The following RPTOR variants were observed in gnomAD, a reference collection of about 807,000 sequenced individuals.
RPTOR encodes regulatory associated protein of MTOR complex 1.
In RPTOR, 21 loss-of-function variants were observed where a neutral mutation model predicts 169.9. That is an observed-to-expected ratio of 0.12 (90% CI 0.09 to 0.18). The LOEUF is 0.18. Among genes scored for constraint, RPTOR ranks in the 10% least tolerant of loss-of-function variants. The pLI, the probability that RPTOR is intolerant of heterozygous loss-of-function variation, is 1.00. For synonymous variants in RPTOR, 732 were observed against 753.2 expected, an observed-to-expected ratio of 0.97 and a Z score of 0.46; for missense variants, 1,133 against 1,855.9, an observed-to-expected ratio of 0.61 and a Z score of 7.16.
rs577988056 is a variant in RPTOR, at chr17:80,885,832, C to T, written c.1983+684C>T. On this transcript the variant is annotated intron_variant, in intron 17 of 33. Transcript: ENST00000306801. The stretch of plus-strand genomic sequence containing the variant: ...CTGAGATTACAGGCGTGAGCCACCG[C>T]GCCCGGCCAAAACAGTTTTATAAAC... 2.6e-5 allele frequency among the ~76,000 whole-genome samples: 4 copies of T among 152,364 alleles called. No individual in the cohort carries two copies. In the South Asian group the frequency reaches 6.2e-4, roughly 24 times the overall value.
intron 5 of RPTOR, among the ~76,000 whole-genome samples, chr17:80,733,967 G>C (rs528754711): frequency 6.6e-6 from 1 of 151,980 alleles, no homozygotes; most frequent in Admixed American, 6.5e-5. Flanking sequence ...TTCTTTTACA[G>C]CTTCTGTTAT....
chr17:80,872,532 T>C (rs1472167685), intron 13 of RPTOR, among the ~76,000 whole-genome samples: 1 of 152,130 alleles, frequency 6.6e-6, no homozygotes, highest in Admixed American at 6.5e-5. Flanking sequence ...ACATGCACAT[T>C]GGTGACAGGC....
intron 24 of RPTOR, among the ~76,000 whole-genome samples, chr17:80,925,876 G>T (rs1017536859): frequency 6.6e-6 from 1 of 152,230 alleles, no homozygotes. Flanking sequence ...TACACCACAA[G>T]ACCATCTCTG....
intron 1 of RPTOR, among the ~76,000 whole-genome samples, chr17:80,611,965 G>T (rs776794013): frequency 2.6e-5 from 4 of 152,000 alleles, no homozygotes; most frequent in Non-Finnish European, 4.4e-5. Context: ...TGCATTTCCT[G>T]CAAACTGGAA....
chr17:80,898,518 T>A (rs1222140338), intron 20 of RPTOR, among the ~76,000 whole-genome samples: 5 of 152,220 alleles, frequency 3.3e-5, no homozygotes, highest in Non-Finnish European at 7.3e-5. Context: ...CTGTTTTCTC[T>A]AGGTTCACTC....
chr17:80,963,310 C>G (rs968015590), intron 33 of RPTOR, among the ~76,000 whole-genome samples: 2 of 152,082 alleles, frequency 1.3e-5, no homozygotes, highest in African/African-American at 4.8e-5. Context: ...GGCAAAGCTC[C>G]TGCCCTCAGA....
chr17:80,928,433 A>T (rs1387135009), intron 24 of RPTOR, among the ~76,000 whole-genome samples: 1 of 152,244 alleles, frequency 6.6e-6, no homozygotes, highest in Non-Finnish European at 1.5e-5. Flanking sequence ...GAACAGAAGA[A>T]CTGCAAACCC....
chr17:80,626,776 A>AATT (rs143412094), intron 2 of RPTOR, among the ~76,000 whole-genome samples: 27,024 of 140,740 alleles, frequency 0.19, 2,849 homozygotes, highest in African/African-American at 0.28. Flanking sequence ...CCATTCTAGG[A>AATT]ATTATTATTA....
intron 1 of RPTOR, among the ~76,000 whole-genome samples, chr17:80,608,977 A>AC (rs750801861): frequency 1.3e-4 from 20 of 152,144 alleles, no homozygotes; most frequent in Middle Eastern, 3.2e-3. Context: ...CCTTTTACTG[A>AC]CCTAGGAGGT....
chr17:80,603,597 G>A (rs2065207301), intron 1 of RPTOR, among the ~76,000 whole-genome samples: 1 of 152,164 alleles, frequency 6.6e-6, no homozygotes. Context: ...TAATACTCAT[G>A]GGCATGATTT....
rs772742879 is a variant in RPTOR at position 80,586,360 on chromosome 17, A to G, written c.163-39331A>G. On this transcript the variant is annotated intron_variant, in intron 1 of 33. Transcript: ENST00000306801. Reference sequence around the variant, plus strand: ...CTGCCCCGTGATCCTGTATGTAGTAACCACGTCGTGATCACAGGTCATGGA... The same window carrying G: ...CTGCCCCGTGATCCTGTATGTAGTAGCCACGTCGTGATCACAGGTCATGGA... Among the ~76,000 whole-genome samples the G allele has an allele frequency of 6.4e-4, 98 of 152,252 alleles. No individual in the cohort carries two copies. In the Middle Eastern group the frequency reaches 0.014, roughly 21 times the overall value.
At position 80,936,100 on chromosome 17, in the gene RPTOR, G is replaced by C. The variant is rs1245800202; in HGVS notation, c.2920-4396G>C. Among the ~76,000 whole-genome samples the C allele has an allele frequency of 6.6e-6, 1 of 152,166 alleles. No individual in the cohort carries two copies. Among genetic ancestry groups the C allele is most frequent in the African/African-American group, 2.4e-5 (1 of 41,430 alleles). On this transcript the variant is annotated intron_variant, in intron 24 of 33. Coordinates refer to ENST00000306801, the MANE Select transcript of RPTOR (RefSeq NM_020761.3). The surrounding 1 kb of genome is among the most constrained non-coding windows in gnomAD (Gnocchi z 4.1). The stretch of plus-strand genomic sequence containing the variant: ...TATACAGGTGGCAAATAAGGACATG[G>C]AATGATGCTCATTGTTAAGGATCTT...
At position 80,744,173 on chromosome 17, in the gene RPTOR, T is replaced by G. The variant is rs368160108; in HGVS notation, c.655-9837T>G. Among the ~76,000 whole-genome samples, 2 of 70,490 alleles carry G rather than the reference T, an allele frequency of 2.8e-5. 1 individual carries two copies. The highest frequency in any genetic ancestry group is 9.2e-4 in the East Asian group (2 of 2,172). The allele number at this position is 70,490 out of a possible 152,430, so 46.2% of individuals were successfully genotyped here. On this transcript the variant is annotated intron_variant, in intron 5 of 33. Transcript: ENST00000306801. ...TGGTTACTAGCACAGCCCTGGTTAC[T>G]AGCACTATCCTGGCTACTAGCACAG...
chr17:80,675,413 A>T (rs1016816325), intron 3 of RPTOR, among the ~76,000 whole-genome samples: 5 of 152,240 alleles, frequency 3.3e-5, no homozygotes, highest in Admixed American at 2.6e-4. Context: ...GGTCAAGGCC[A>T]GCCATCCCTC....
chr17:80,846,393 C>A, intron 10 of RPTOR, 80 bp from the exon 11 acceptor site: 1 of 1,407,496 alleles, frequency 7.1e-7, no homozygotes, highest in Non-Finnish European at 9.9e-7. Context: ...GCTTGGATGC[C>A]CGGCAGGTGG....
intron 9 of RPTOR, among the ~76,000 whole-genome samples, chr17:80,837,448 G>A (rs900030072): frequency 3.9e-5 from 6 of 152,152 alleles, no homozygotes; most frequent in Non-Finnish European, 4.4e-5. Context: ...ACTGCATGCC[G>A]ACCCCTCCTG....
intron 20 of RPTOR, among the ~76,000 whole-genome samples, chr17:80,905,697 T>C (rs2068533448): frequency 6.6e-6 from 1 of 152,016 alleles, no homozygotes; most frequent in African/African-American, 2.4e-5. Flanking sequence ...TGGAGTGTCC[T>C]GTGGAGCCCT....
chr17:80,620,705 G>A (rs1035573562), intron 1 of RPTOR, among the ~76,000 whole-genome samples: 9 of 152,256 alleles, frequency 5.9e-5, no homozygotes, highest in Admixed American at 5.9e-4. Flanking sequence ...GGTGGAGGTT[G>A]CGGTGAGCCG....
chr17:80,833,943 C>T (rs1191299673), intron 9 of RPTOR, among the ~76,000 whole-genome samples: 1 of 152,206 alleles, frequency 6.6e-6, no homozygotes, highest in Non-Finnish European at 1.5e-5. Context: ...GAGCCAAGAT[C>T]GCACCACTGC....
Sources: gnomAD v4.1 joint callset for allele counts (sites outside exome capture counted in the v4.1 genomes callset) on GRCh38, gnomAD v4.1.1 for gene constraint, Gnocchi (gnomAD v3.1) non-coding constraint, MANE v1.5 for transcripts, NCBI Gene and HGNC (gene_info 2026-07-23, HGNC 2026-07-21) for gene names.